INSR: variants seen among roughly 807,000 people sequenced by gnomAD.
The protein encoded by INSR is insulin receptor, also known as IR.
INSR carries 67 observed loss-of-function variants against 142.6 expected under a neutral mutation model. The observed-to-expected ratio is 0.47, with a 90% CI of 0.39 to 0.58. INSR has a LOEUF of 0.58. INSR is among the 20% of genes least tolerant of loss of function. INSR has a pLI of 0.00. For synonymous variants in INSR, 756 were observed against 743.1 expected (o/e 1.02, Z -0.28); for missense variants, 1,248 against 1,833.2 (o/e 0.68, Z 5.83).
intron 2 of INSR, among the ~76,000 whole-genome samples, chr19:7,200,752 T>C (rs986177281): frequency 8.0e-5 from 12 of 149,964 alleles, no homozygotes; most frequent in African/African-American, 3.0e-4. Context: ...TCCAGCTACT[T>C]GGGAAGCTGA....
chr19:7,257,622 T>C (rs1322591037), intron 2 of INSR, among the ~76,000 whole-genome samples: 1 of 152,020 alleles, frequency 6.6e-6, no homozygotes, highest in African/African-American at 2.4e-5. Flanking sequence ...CCCACATTTT[T>C]TTTTCTTTTT....
chr19:7,147,569 T>C (rs765351009), intron 11 of INSR, among the ~76,000 whole-genome samples: 1 of 152,136 alleles, frequency 6.6e-6, no homozygotes, highest in Non-Finnish European at 1.5e-5. Context: ...CATCAGAAAA[T>C]GTGTGGTCAG....
intron 3 of INSR, among the ~76,000 whole-genome samples, chr19:7,177,822 C>T (rs1456767446): frequency 1.3e-5 from 2 of 148,300 alleles, no homozygotes; most frequent in African/African-American, 4.9e-5. Flanking sequence ...GCTGGGATTA[C>T]AGGTGTGAGC....
intron 13 of INSR, among the ~76,000 whole-genome samples, chr19:7,135,967 CAA>C (rs1012987600): frequency 1.1e-5 from 1 of 92,794 alleles, no homozygotes; most frequent in African/African-American, 5.8e-5. Context: ...GACTCCATCT[CAA>C]AAAAAAAAAA....
At chr19:7,252,890 C>A (rs555909413) in intron 2 of INSR, among the ~76,000 whole-genome samples, 8 of 151,636 alleles carry the variant, frequency 5.3e-5, no homozygotes, top group Non-Finnish European at 8.8e-5. Flanking sequence ...CCAAGGCGGG[C>A]AGATCACAAG....
chr19:7,270,233 C>G (rs1228344113), intron 1 of INSR, among the ~76,000 whole-genome samples: 2 of 151,988 alleles, frequency 1.3e-5, no homozygotes, highest in Non-Finnish European at 2.9e-5. Flanking sequence ...CGGGCATAAA[C>G]CACCATGCCT....
chr19:7,221,378 A>AAGGAGG (rs71177175), intron 2 of INSR, among the ~76,000 whole-genome samples: 46,524 of 139,854 alleles, frequency 0.33, 8,335 homozygotes, highest in Non-Finnish European at 0.4. Flanking sequence ...TGTCAAAAAA[A>AAGGAGG]AGGAGGAGGA....
At chr19:7,154,873 G>A (rs186522076) in intron 9 of INSR, among the ~76,000 whole-genome samples, 6 of 151,984 alleles carry the variant, frequency 3.9e-5, no homozygotes, top group Non-Finnish European at 7.4e-5. Flanking sequence ...GCAGTGAGCC[G>A]AGATTGAGCC....
At chr19:7,184,193 G>A (rs1181038794) in intron 3 of INSR, 123 bp downstream of exon 3, 11 of 840,732 alleles carry the variant, frequency 1.3e-5, no homozygotes, top group Non-Finnish European at 2.1e-5. Context: ...TCTGAGAGCA[G>A]AGACCTCACT....
chr19:7,153,050 C>CACACATACA lies in INSR; in HGVS notation c.2030-124_2030-123insTGTATGTGT, dbSNP rs1180655626. 1.3e-3 allele frequency: 512 copies of CACACATACA among 385,992 alleles called. 12 individuals are homozygous for CACACATACA. The East Asian group carries it at 0.015, about 11-fold the overall frequency. The allele number at this position is 385,992 out of a possible 1,614,324, so 23.9% of individuals were successfully genotyped here. ...ACCACACACACACACACCACACACC[C>CACACATACA]CCCCACACACACACACCACACACAT... On this transcript the variant is annotated intron_variant, in intron 9 of 21. Coordinates refer to ENST00000302850, the MANE Select transcript of INSR (RefSeq NM_000208.4).
chr19:7,157,395 G>A (rs534482418), intron 9 of INSR, among the ~76,000 whole-genome samples: 113 of 148,978 alleles, frequency 7.6e-4, no homozygotes, highest in African/African-American at 2.7e-3. Context: ...GATTACAGGC[G>A]TGAGCCACTG....
intron 2 of INSR, among the ~76,000 whole-genome samples, chr19:7,191,325 AAG>A (rs1974581568): frequency 9.4e-5 from 2 of 21,228 alleles, no homozygotes; most frequent in Admixed American, 1.0e-3. Flanking sequence ...AAGAAAGAAA[AAG>A]AAAGAAAGAA....
At chr19:7,185,841 C>CAAA (rs754262409) in intron 2 of INSR, among the ~76,000 whole-genome samples, 37 of 45,044 alleles carry the variant, frequency 8.2e-4, no homozygotes, top group East Asian at 1.4e-3. Flanking sequence ...AAAATTCTGT[C>CAAA]AAAAAAAAAA....
chr19:7,198,655 C>T (rs1287292788), intron 2 of INSR, among the ~76,000 whole-genome samples: 2 of 152,012 alleles, frequency 1.3e-5, no homozygotes, highest in African/African-American at 4.8e-5. Context: ...GGGGAGGGTC[C>T]GCATCTCCGA....
intron 2 of INSR, among the ~76,000 whole-genome samples, chr19:7,212,276 C>G (rs1975298829): frequency 6.6e-6 from 1 of 152,310 alleles, no homozygotes; most frequent in South Asian, 2.1e-4. Context: ...GTTGGTCCAT[C>G]TGTCTGTCTG....
At chr19:7,292,907 G>A (rs1968534877) in intron 1 of INSR, among the ~76,000 whole-genome samples, 1 of 152,116 alleles carries the variant, frequency 6.6e-6, no homozygotes, top group South Asian at 2.1e-4. Flanking sequence ...AGGGGTCAAG[G>A]AGACAGCAGA....
chr19:7,130,810 ATCTCTCTTTT>A (rs1480718481), intron 14 of INSR, among the ~76,000 whole-genome samples: 1 of 147,948 alleles, frequency 6.8e-6, no homozygotes, highest in East Asian at 2.0e-4. Flanking sequence ...TCTTTCTTTT[ATCTCTCTTTT>A]TCTCTCTTTC....
chr19:7,267,396 T>C lies in INSR; in HGVS notation c.601A>G (p.Ile201Val), dbSNP rs923359080. The change falls in exon 2 of 22, where the codon ATC (isoleucine) becomes GTC (valine). Residue 201 changes from isoleucine to valine, a missense_variant. By Grantham distance (29) the Ile-to-Val change is conservative. Transcript: ENST00000302850. The surrounding 1 kb of genome is among the most constrained non-coding windows in gnomAD (Gnocchi z 6.3). ...CATCGTTCGACAAACTGCCCGTTGATGACGGTGGCGGGGCAGTTGGTCTTG... is the reference window on the plus strand; with the variant it reads ...CATCGTTCGACAAACTGCCCGTTGACGACGGTGGCGGGGCAGTTGGTCTTG... ...KGKTNCPATV[I>V]NGQFVERCWT... is the part of the protein sequence containing the mutation. 5 of 1,614,224 alleles carry C rather than the reference T, an allele frequency of 3.1e-6. No homozygotes were observed. In the African/African-American group the frequency reaches 5.3e-5, roughly 17 times the overall value.
At position 7,147,771 on chromosome 19, in the gene INSR, G is replaced by A. The variant is rs561485716; in HGVS notation, c.2267+2726C>T. Among the ~76,000 whole-genome samples the A allele has an allele frequency of 1.3e-4, 20 of 152,236 alleles. No individual in the cohort carries two copies. In the East Asian group the frequency reaches 3.7e-3, roughly 28 times the overall value. On this transcript the variant is annotated intron_variant, in intron 11 of 21. Coordinates refer to ENST00000302850, the MANE Select transcript of INSR (RefSeq NM_000208.4). ...TGGGTCTCGTGAAAATAACCAAGAC[G>A]TTGGTGCTTCATGAGTAACTACTGA...
Sources: gnomAD v4.1 joint callset for allele counts (sites outside exome capture counted in the v4.1 genomes callset) on GRCh38, gnomAD v4.1.1 for gene constraint, Gnocchi (gnomAD v3.1) non-coding constraint, MANE v1.5 for transcripts, NCBI Gene and HGNC (gene_info 2026-07-23, HGNC 2026-07-21) for gene names.